The following MAD1L1 variants were observed in gnomAD, a reference collection of about 807,000 sequenced individuals.
MAD1L1 encodes mitotic spindle assembly checkpoint protein MAD1.
MAD1L1 carries 95 observed loss-of-function variants against 96.9 expected under a neutral mutation model. That is an observed-to-expected ratio of 0.98 (90% CI 0.83 to 1.16). The LOEUF is 1.16. Among genes scored for constraint, MAD1L1 ranks in the 50% most tolerant of loss-of-function variants. The pLI is 0.00. For synonymous variants in MAD1L1, 473 were observed against 396.6 expected, an observed-to-expected ratio of 1.19 and a Z score of -2.29; for missense variants, 1,007 against 954.4, an observed-to-expected ratio of 1.06 and a Z score of -0.73.
chr7:2,127,123 T>C (rs1282645127), intron 11 of MAD1L1, among the ~76,000 whole-genome samples: 2 of 152,104 alleles, frequency 1.3e-5, no homozygotes, highest in African/African-American at 4.8e-5. Flanking sequence ...TTGGGGACAG[T>C]CTTCCACAGT....
intron 18 of MAD1L1, among the ~76,000 whole-genome samples, chr7:1,897,312 C>T (rs1786941951): frequency 6.6e-6 from 1 of 150,570 alleles, no homozygotes; most frequent in African/African-American, 2.5e-5. Context: ...GCAGTTTAGA[C>T]GCCCGTTCCA....
intron 18 of MAD1L1, chr7:1,848,520 T>A (rs542115908): frequency 6.7e-6 from 1 of 149,628 alleles, no homozygotes; most frequent in Non-Finnish European, 1.5e-5. Flanking sequence ...GCTTTTCTTA[T>A]GGGAGAGCAA....
At chr7:1,874,274 C>G (rs1032616019) in intron 18 of MAD1L1, among the ~76,000 whole-genome samples, 6 of 152,134 alleles carry the variant, frequency 3.9e-5, no homozygotes, top group African/African-American at 1.4e-4. Flanking sequence ...CACACACTGG[C>G]AGACAACCGT....
chr7:1,907,397 T>C (rs902165761), intron 17 of MAD1L1, among the ~76,000 whole-genome samples: 4 of 152,214 alleles, frequency 2.6e-5, no homozygotes, highest in African/African-American at 7.2e-5. Flanking sequence ...TTTTTCTTTC[T>C]AAACAATGAA....
intron 18 of MAD1L1, among the ~76,000 whole-genome samples, chr7:1,875,197 G>A (rs1027861195): frequency 2.6e-5 from 4 of 152,216 alleles, no homozygotes; most frequent in African/African-American, 9.6e-5. Flanking sequence ...AGACTCAGCT[G>A]TTCCCAGGGG....
chr7:1,900,641 C>G (rs1787186882), intron 17 of MAD1L1, among the ~76,000 whole-genome samples: 1 of 152,172 alleles, frequency 6.6e-6, no homozygotes, highest in Admixed American at 6.5e-5. Flanking sequence ...GCAGGAATTG[C>G]CACGTGCACA....
At chr7:1,900,912 A>C (rs1011522636) in intron 17 of MAD1L1, among the ~76,000 whole-genome samples, 6 of 152,248 alleles carry the variant, frequency 3.9e-5, no homozygotes, top group Non-Finnish European at 5.9e-5. Context: ...CAGGGCGAGG[A>C]AGGCAGTGTG....
chr7:2,096,456 C>T lies in MAD1L1; in HGVS notation c.1074-27118G>A, dbSNP rs58698870. Among the ~76,000 whole-genome samples the T allele has an allele frequency of 7.1e-3, 1,081 of 152,298 alleles. 14 individuals are homozygous for T. The highest frequency in any genetic ancestry group is 0.025 in the African/African-American group (1,028 of 41,562). ...CTTTCACTCTCAAAAGCCAGGTCTC[C>T]TCCTACGCTGCTTTTCCACAGAGCT... is the stretch of plus-strand genomic sequence containing the variant. On this transcript the variant is annotated intron_variant, in intron 11 of 18. Transcript: ENST00000265854.
intron 16 of MAD1L1, among the ~76,000 whole-genome samples, chr7:1,938,892 G>C (rs1269189880): frequency 9.3e-6 from 1 of 107,024 alleles, no homozygotes; most frequent in Non-Finnish European, 1.8e-5. Context: ...CAGGGCCGGG[G>C]CCAGAGGCGC....
intron 10 of MAD1L1, among the ~76,000 whole-genome samples, chr7:2,169,473 T>C (rs1480474089): frequency 2.0e-5 from 3 of 151,846 alleles, no homozygotes; most frequent in Non-Finnish European, 4.4e-5. Flanking sequence ...AAAAAAAAAA[T>C]CTCTTGCTCC....
intron 18 of MAD1L1, among the ~76,000 whole-genome samples, chr7:1,875,004 C>T (rs890439077): frequency 1.3e-5 from 2 of 152,154 alleles, no homozygotes; most frequent in Non-Finnish European, 2.9e-5. Flanking sequence ...AGCCAAGGGC[C>T]TCCTTCCCCT....
chr7:1,884,490 C>T (rs1785888254), intron 18 of MAD1L1, among the ~76,000 whole-genome samples: 1 of 152,248 alleles, frequency 6.6e-6, no homozygotes, highest in Non-Finnish European at 1.5e-5. Context: ...CGGGATTCCC[C>T]ACCACATGGA....
rs1367656329 is a variant in MAD1L1 at position 1,952,221 on chromosome 7, G to A, written c.1596+5408C>T. Among the ~76,000 whole-genome samples, 8 of 152,198 alleles carry A rather than the reference G, an allele frequency of 5.3e-5. No individual in the cohort carries two copies. The South Asian group carries it at 8.3e-4, about 16-fold the overall frequency. ...TTTCCCACACACAGCATCGGCTGCCGGGAATCTGTGGAGCAGTGAGATCTC... is the reference window on the plus strand; with the variant it reads ...TTTCCCACACACAGCATCGGCTGCCAGGAATCTGTGGAGCAGTGAGATCTC... On this transcript the variant is annotated intron_variant, in intron 16 of 18. Coordinates refer to ENST00000265854, the MANE Select transcript of MAD1L1 (RefSeq NM_001013836.2).
At chr7:1,965,805 G>A (rs1000363004) in intron 15 of MAD1L1, among the ~76,000 whole-genome samples, 4 of 152,382 alleles carry the variant, frequency 2.6e-5, no homozygotes, top group East Asian at 1.9e-4. Flanking sequence ...AGGGCCGGGC[G>A]TGGGCCCAAC....
chr7:2,079,580 G>A (rs1785534399), intron 11 of MAD1L1: 1 of 466,888 alleles, frequency 2.1e-6, no homozygotes, highest in Admixed American at 2.4e-5. Context: ...GATAAACAGA[G>A]GCCACACGGC....
intron 14 of MAD1L1, 37 bp from the exon 15 acceptor site, chr7:1,980,578 G>C: frequency 6.5e-7 from 1 of 1,541,366 alleles, no homozygotes; most frequent in Non-Finnish European, 8.9e-7. Flanking sequence ...CAGCAGACAC[G>C]AGCGCACCCA....
chr7:1,874,552 A>T (rs543910080), intron 18 of MAD1L1: 76 of 455,074 alleles, frequency 1.7e-4, no homozygotes, highest in Admixed American at 5.0e-4. Flanking sequence ...TTCCTTAAAA[A>T]AAAAAATAAA....
chr7:1,884,942 G>A lies in MAD1L1; in HGVS notation c.1998+13258C>T, dbSNP rs1440103840. On this transcript the variant is annotated intron_variant, in intron 18 of 18. Transcript: ENST00000265854. ...TGTGGTGGTGCGCACCCCTCACGTCGCCCTCCGGGAATAGGCAAAGTTCAT... is the reference window on the plus strand; with the variant it reads ...TGTGGTGGTGCGCACCCCTCACGTCACCCTCCGGGAATAGGCAAAGTTCAT... Among the ~76,000 whole-genome samples, 5 of 152,224 alleles carry A rather than the reference G, an allele frequency of 3.3e-5. No homozygotes were observed. The East Asian group carries it at 7.7e-4, about 23-fold the overall frequency.
At chr7:2,138,789 G>A (rs1358054402) in intron 11 of MAD1L1, among the ~76,000 whole-genome samples, 1 of 152,176 alleles carries the variant, frequency 6.6e-6, no homozygotes, top group African/African-American at 2.4e-5. Context: ...AGGAAAGAAA[G>A]GCTCGGGGGT....
Sources: gnomAD v4.1 joint callset for allele counts (sites outside exome capture counted in the v4.1 genomes callset) on GRCh38, gnomAD v4.1.1 for gene constraint, MANE v1.5 for transcripts, NCBI Gene and HGNC (gene_info 2026-07-23, HGNC 2026-07-21) for gene names.